Variants in SLC51B observed in about 807,000 individuals in gnomAD.
SLC51B encodes organic solute transporter subunit beta.
A neutral mutation model predicts 8.0 loss-of-function variants in SLC51B; 6 were observed. That is an observed-to-expected ratio of 0.75 (90% confidence interval 0.41 to 1.48). SLC51B has a LOEUF of 1.48. Among genes scored for constraint, SLC51B ranks in the 40% most tolerant of loss-of-function variants. The pLI, the probability that SLC51B is intolerant of heterozygous loss-of-function variation, is 0.01. For missense variants in SLC51B, 150 were observed against 149.7 expected (o/e 1.00, Z -0.01); for synonymous variants, 61 against 54.8 (o/e 1.11, Z -0.50).
intron 1 of SLC51B, among the ~76,000 whole-genome samples, chr15:65,047,801 A>ATAGATAGC (rs1277908516): frequency 1.6e-5 from 1 of 60,988 alleles, no homozygotes; most frequent in African/African-American, 5.3e-5. Flanking sequence ...TAGATGATAG[A>ATAGATAGC]TAGATAGATA....
chr15:65,046,448 CA>C (rs1203868492), intron 1 of SLC51B, among the ~76,000 whole-genome samples: 2 of 150,748 alleles, frequency 1.3e-5, no homozygotes, highest in African/African-American at 2.4e-5. Context: ...CCAGCCTGGG[CA>C]AAAAGAGTGA....
At chr15:65,050,137 G>A in intron 2 of SLC51B, 36 bp downstream of exon 2, 1 of 1,514,720 alleles carries the variant, frequency 6.6e-7, no homozygotes, top group Non-Finnish European at 9.0e-7. Context: ...GGGTGGGGGT[G>A]TGCCCCTCAA....
At chr15:65,051,169 G>C (rs953039018) in intron 2 of SLC51B, among the ~76,000 whole-genome samples, 12 of 151,616 alleles carry the variant, frequency 7.9e-5, no homozygotes, top group African/African-American at 2.9e-4. Context: ...GTGCTCCGCA[G>C]GTCCAGCCCA....
intron 3 of SLC51B, 97 bp from the exon 4 acceptor site, chr15:65,052,869 G>A: frequency 8.9e-7 from 1 of 1,125,202 alleles, no homozygotes; most frequent in Non-Finnish European, 1.3e-6. Flanking sequence ...AAACTGCATA[G>A]AGAATTTTCC....
At chr15:65,050,836 C>CT (rs57404080) in intron 2 of SLC51B, among the ~76,000 whole-genome samples, 203 of 95,634 alleles carry the variant, frequency 2.1e-3, no homozygotes, top group Admixed American at 2.6e-3. Flanking sequence ...TCTTCTTCTT[C>CT]TTTTTTTTTT....
intron 1 of SLC51B, among the ~76,000 whole-genome samples, chr15:65,048,719 TG>T (rs1190797317): frequency 2.0e-5 from 3 of 152,158 alleles, no homozygotes; most frequent in African/African-American, 7.2e-5. Flanking sequence ...TAAAAAAATG[TG>T]TTATTGGGTC....
intron 2 of SLC51B, among the ~76,000 whole-genome samples, 153 bp downstream of exon 2, chr15:65,050,254 G>A (rs944565258): frequency 6.6e-6 from 1 of 152,188 alleles, no homozygotes; most frequent in Non-Finnish European, 1.5e-5. Flanking sequence ...AGTACCCAGA[G>A]GGGTCTGGCT....
At chr15:65,047,591 T>C (rs2086593120) in intron 1 of SLC51B, among the ~76,000 whole-genome samples, 1 of 152,176 alleles carries the variant, frequency 6.6e-6, no homozygotes, top group Admixed American at 6.5e-5. Flanking sequence ...CACAGGGGCC[T>C]GTGGCTGATG....
At chr15:65,047,875 A>T (rs2086597993) in intron 1 of SLC51B, among the ~76,000 whole-genome samples, 2 of 152,162 alleles carry the variant, frequency 1.3e-5, no homozygotes, top group African/African-American at 4.8e-5. Flanking sequence ...TGTGCATGTG[A>T]GTCCTTGAAA....
Position 65,045,539 on chromosome 15 carries a change from C to T in SLC51B, c.-152C>T, listed in dbSNP as rs766519390. On this transcript the variant is annotated 5_prime_UTR_variant, in exon 1 of 4. Transcript: ENST00000334287. ...GGAAGATACAGAAATCGGTGCTGCT[C>T]CCAACAGCAGATCAAGGCAGTCGTC... 6.6e-6 allele frequency: 1 copy of T among 152,270 alleles called. No individual in the cohort carries two copies. The highest frequency in any genetic ancestry group is 1.9e-4 in the East Asian group (1 of 5,200). 9.4% of individuals were successfully genotyped at this position (152,270 alleles called of 1,614,324 possible).
intron 3 of SLC51B, 143 bp downstream of exon 3, chr15:65,051,748 C>T (rs4238399): frequency 0.4 from 259,037 of 642,918 alleles, 57,249 homozygotes; most frequent in East Asian, 0.81. Flanking sequence ...CAGTGTCCTT[C>T]GAGAACCCCA....
rs763284084 is a variant in SLC51B at position 65,051,790 on chromosome 15, AAAACAG to A, written c.188+186_188+191del. Among the ~76,000 whole-genome samples the A allele has an allele frequency of 8.9e-3, 1,331 of 149,358 alleles. 12 individuals are homozygous for A. Among genetic ancestry groups the A allele is most frequent in the Middle Eastern group, 0.027 (8 of 292 alleles). ...TAAAAACAAACAAACAAACAAACAA[AAAACAG>A]CAACAGTCCCTGATTACCACCCCCT... On this transcript the variant is annotated intron_variant, in intron 3 of 3. Coordinates refer to ENST00000334287, the MANE Select transcript of SLC51B (RefSeq NM_178859.4).
At position 65,053,396 on chromosome 15, in the gene SLC51B, C is replaced by A; in HGVS notation, c.*232C>A. The A allele has an allele frequency of 7.4e-7, 1 of 1,350,462 alleles. No homozygotes were observed. The highest frequency in any genetic ancestry group is 9.5e-7 in the Non-Finnish European group (1 of 1,053,308). 83.7% of individuals were successfully genotyped at this position (1,350,462 alleles called of 1,614,324 possible). ...TCCTGGAAGGGAGCAGGTGGTATTG[C>A]ATAGTTTGTTCAGATGGCAGTGGTA... On this transcript the variant is annotated 3_prime_UTR_variant, in exon 4 of 4. Transcript: ENST00000334287.
rs1458476313 is a variant in SLC51B, at chr15:65,045,587, G to A, written c.-109+5G>A. ...GTCAGGAACTCAGGATCCGGGGTGA[G>A]TGTCCTCATCTTGCCTTGGGGATGG... is the stretch of plus-strand genomic sequence containing the variant. On this transcript the variant is annotated splice_donor_5th_base_variant and intron_variant, in intron 1 of 3. Transcript: ENST00000334287. 2 of 152,324 alleles carry A rather than the reference G, an allele frequency of 1.3e-5. No homozygotes were observed. The highest frequency in any genetic ancestry group is 2.4e-5 in the African/African-American group (1 of 41,480). The allele number at this position is 152,324 out of a possible 1,614,324, so 9.4% of individuals were successfully genotyped here.
rs115327054 is a variant in SLC51B at position 65,052,208 on chromosome 15, G to A, written c.188+603G>A. 4.6e-3 allele frequency among the ~76,000 whole-genome samples: 695 copies of A among 152,240 alleles called. 5 individuals are homozygous for A. The highest frequency in any genetic ancestry group is 0.016 in the African/African-American group (665 of 41,520). On this transcript the variant is annotated intron_variant, in intron 3 of 3. Transcript: ENST00000334287. ...TTGTGCCTAGGCTGGTTTGGAGAAG[G>A]AAACACCTAGAGGCAGAGAGATTAG...
Position 65,053,278 on chromosome 15 carries a change from C to G in SLC51B, c.*114C>G, listed in dbSNP as rs933849150. 13 of 1,429,452 alleles carry G rather than the reference C, an allele frequency of 9.1e-6. No individual in the cohort carries two copies. Among genetic ancestry groups the G allele is most frequent in the Non-Finnish European group, 1.1e-5 (12 of 1,094,680 alleles). The allele number at this position is 1,429,452 out of a possible 1,614,324, so 88.5% of individuals were successfully genotyped here. On this transcript the variant is annotated 3_prime_UTR_variant, in exon 4 of 4. Coordinates refer to ENST00000334287, the MANE Select transcript of SLC51B (RefSeq NM_178859.4). ...CCCAAGAAGCCGCTTTTTTCTTTTT[C>G]TTTCTTTCTTTTTTTTTTTCTTAGC... is the stretch of plus-strand genomic sequence containing the variant.
chr15:65,051,671 G>T, intron 3 of SLC51B, 66 bp downstream of exon 3: 1 of 1,475,120 alleles, frequency 6.8e-7, no homozygotes, highest in Non-Finnish European at 9.4e-7. Flanking sequence ...TTCCCAGAGG[G>T]AAATCTAGAG....
At chr15:65,052,321 A>G (rs1374182848) in intron 3 of SLC51B, among the ~76,000 whole-genome samples, 2 of 151,754 alleles carry the variant, frequency 1.3e-5, no homozygotes, top group Non-Finnish European at 2.9e-5. Context: ...GGTCAGAGAC[A>G]GTGTGGTTAG....
intron 2 of SLC51B, 130 bp downstream of exon 2, chr15:65,050,231 G>A: frequency 1.4e-6 from 1 of 728,776 alleles, no homozygotes; most frequent in South Asian, 1.8e-5. Context: ...CAGGGAATCA[G>A]TCGGGGTGTC....
Sources: allele counts gnomAD v4.1 joint callset (sites outside exome capture counted in the v4.1 genomes callset), GRCh38; gene constraint gnomAD v4.1.1; transcripts MANE v1.5; gene names NCBI Gene and HGNC (gene_info 2026-07-23, HGNC 2026-07-21).